Variants in ROBO2 observed in about 807,000 individuals in gnomAD.
The protein encoded by ROBO2 is roundabout homolog 2.
Under a neutral mutation model 160.8 loss-of-function variants are expected in ROBO2, and 53 were observed. That is an observed-to-expected ratio of 0.33 (90% CI 0.26 to 0.41). The LOEUF is 0.41. ROBO2 is among the 10% of genes least tolerant of loss of function. The probability of loss-of-function intolerance (pLI) is 1.00; values close to 1 mark genes in which losing one functional copy is unlikely to be tolerated. For synonymous variants in ROBO2, 664 were observed against 611.7 expected (o/e 1.09, Z -1.26); for missense variants, 1,577 against 1,722.4 (o/e 0.92, Z 1.49).
chr3:76,126,530 T>A (rs188850274), intron 2 of ROBO2, among the ~76,000 whole-genome samples: 71 of 152,276 alleles, frequency 4.7e-4, no homozygotes, highest in African/African-American at 1.6e-3. Context: ...CATGACATTG[T>A]AATTAGTGCA....
intron 2 of ROBO2, among the ~76,000 whole-genome samples, chr3:76,937,189 G>T (rs1031233663): frequency 1.3e-5 from 2 of 152,142 alleles, no homozygotes; most frequent in Non-Finnish European, 2.9e-5. Flanking sequence ...AAATTATATG[G>T]CTGTCCATAG....
In ROBO2 at chr3:77,280,696, T is replaced by A. The variant is rs147967667; in HGVS notation, c.388+182356T>A. ...CTATGACTTGATGTATTTTAGGTTC[T>A]TTCACTTTGCTTTATGTATTTGTTG... On this transcript the variant is annotated intron_variant, in intron 2 of 25. Coordinates refer to ENST00000461745, the Ensembl canonical transcript of ROBO2. Among the ~76,000 whole-genome samples, 528 of 152,342 alleles carry A rather than the reference T, an allele frequency of 3.5e-3. 2 individuals are homozygous for A. Among genetic ancestry groups the A allele is most frequent in the Non-Finnish European group, 6.6e-3 (446 of 68,018 alleles).
At chr3:76,685,229 T>C (rs1243801661) in intron 2 of ROBO2, among the ~76,000 whole-genome samples, 2 of 149,412 alleles carry the variant, frequency 1.3e-5, no homozygotes, top group Admixed American at 6.7e-5. Flanking sequence ...TTCAGCTTAA[T>C]GAGTACCAAA....
chr3:76,979,595 T>G (rs919425828), intron 2 of ROBO2, among the ~76,000 whole-genome samples: 1 of 149,946 alleles, frequency 6.7e-6, no homozygotes, highest in Middle Eastern at 3.5e-3. Flanking sequence ...GTGTGTGTGG[T>G]GTGTGTGTGT....
chr3:77,642,816 A>C (rs1380226203), intron 24 of ROBO2: 4 of 456,604 alleles, frequency 8.8e-6, no homozygotes, highest in African/African-American at 8.0e-5. Flanking sequence ...TAGAAGACAC[A>C]AAGAGCTCAT....
chr3:77,017,356 G>A (rs1301155523), intron 2 of ROBO2, among the ~76,000 whole-genome samples: 1 of 152,122 alleles, frequency 6.6e-6, no homozygotes, highest in Non-Finnish European at 1.5e-5. Context: ...AAATAGATAA[G>A]GGAAGTAACA....
intron 2 of ROBO2, among the ~76,000 whole-genome samples, chr3:76,722,101 C>T (rs2093474981): frequency 6.6e-6 from 1 of 151,972 alleles, no homozygotes; most frequent in South Asian, 2.1e-4. Context: ...AAGAGTGAAC[C>T]AACTGTAAAC....
At chr3:76,819,433 C>CTTGA (rs751869641) in intron 2 of ROBO2, among the ~76,000 whole-genome samples, 1 of 152,060 alleles carries the variant, frequency 6.6e-6, no homozygotes, top group Non-Finnish European at 1.5e-5. Flanking sequence ...AATTAGGCTG[C>CTTGA]TTGACTCTGA....
intron 21 of ROBO2, among the ~76,000 whole-genome samples, chr3:77,616,807 G>T (rs1483160446): frequency 1.3e-5 from 2 of 152,002 alleles, no homozygotes; most frequent in African/African-American, 4.8e-5. Flanking sequence ...AAAAAATATG[G>T]TTTTAAAATA....
At chr3:76,436,921 A>G (rs1320338369) in intron 2 of ROBO2, among the ~76,000 whole-genome samples, 1 of 152,182 alleles carries the variant, frequency 6.6e-6, no homozygotes, top group Non-Finnish European at 1.5e-5. Flanking sequence ...TGCAAGGCCA[A>G]TTTGTTAGCT....
chr3:76,034,983 C>G (rs2067055649), intron 2 of ROBO2, among the ~76,000 whole-genome samples: 1 of 152,070 alleles, frequency 6.6e-6, no homozygotes, highest in South Asian at 2.1e-4. Context: ...GGTCCAAGAA[C>G]AGTGCTTCTC....
At chr3:77,343,879 C>A (rs1403970951) in intron 2 of ROBO2, among the ~76,000 whole-genome samples, 1 of 152,090 alleles carries the variant, frequency 6.6e-6, no homozygotes, top group African/African-American at 2.4e-5. Flanking sequence ...TTATGCTGAA[C>A]AAAATGAAGA....
At chr3:76,015,384 T>G (rs918873162) in intron 2 of ROBO2, among the ~76,000 whole-genome samples, 3 of 152,196 alleles carry the variant, frequency 2.0e-5, no homozygotes, top group Non-Finnish European at 4.4e-5. Flanking sequence ...TATTTGAAGC[T>G]GCAAATTGAA....
chr3:77,610,035 AT>A (rs2094597245), intron 21 of ROBO2, among the ~76,000 whole-genome samples: 1 of 151,144 alleles, frequency 6.6e-6, no homozygotes, highest in Non-Finnish European at 1.5e-5. Context: ...ATAAAAACAT[AT>A]TTAAAGTTAA....
At chr3:76,457,976 C>T (rs1390582886) in intron 2 of ROBO2, among the ~76,000 whole-genome samples, 1 of 152,080 alleles carries the variant, frequency 6.6e-6, no homozygotes, top group African/African-American at 2.4e-5. Context: ...ACTTTTTCTT[C>T]CTGGGCCTCC....
chr3:76,612,890 T>C (rs1372919015), intron 2 of ROBO2, among the ~76,000 whole-genome samples: 1 of 152,170 alleles, frequency 6.6e-6, no homozygotes, highest in Admixed American at 6.5e-5. Flanking sequence ...GACATAAGTA[T>C]AGCTACTACT....
chr3:76,256,606 G>A (rs1706405347), intron 2 of ROBO2, among the ~76,000 whole-genome samples: 1 of 151,928 alleles, frequency 6.6e-6, no homozygotes, highest in South Asian at 2.1e-4. Flanking sequence ...AGCTACTAGG[G>A]AGGCTGAGGT....
At chr3:76,495,213 C>CTTTT (rs35543664) in intron 2 of ROBO2, among the ~76,000 whole-genome samples, 1 of 136,296 alleles carries the variant, frequency 7.3e-6, no homozygotes, top group African/African-American at 2.7e-5. Flanking sequence ...TCTTCATTTC[C>CTTTT]TTTTTTTTTT....
intron 2 of ROBO2, among the ~76,000 whole-genome samples, chr3:76,825,977 A>C (rs2066553326): frequency 6.6e-6 from 1 of 152,092 alleles, no homozygotes; most frequent in Admixed American, 6.6e-5. Flanking sequence ...GGGAGCAGGA[A>C]AAATCTGTTG....
Sources: gnomAD v4.1 joint callset for allele counts (sites outside exome capture counted in the v4.1 genomes callset) on GRCh38, gnomAD v4.1.1 for gene constraint, MANE v1.5 for transcripts, NCBI Gene and HGNC (gene_info 2026-07-23, HGNC 2026-07-21) for gene names.